NELL1: variants seen among roughly 807,000 people sequenced by gnomAD.
The protein encoded by NELL1 is protein kinase C-binding protein NELL1.
In NELL1, 76 loss-of-function variants were observed where a neutral mutation model predicts 107.4. The observed-to-expected ratio is 0.71, with a 90% CI of 0.59 to 0.86. The LOEUF (loss-of-function observed/expected upper bound fraction) is 0.86. Ranked by LOEUF, NELL1 falls within the 40% of genes least tolerant of loss-of-function variation. The pLI is 0.00. For missense variants in NELL1, 1,024 were observed against 1,005.5 expected (o/e 1.02, Z -0.25); for synonymous variants, 353 against 341.2 (o/e 1.03, Z -0.38).
intron 2 of NELL1, among the ~76,000 whole-genome samples, chr11:20,685,512 T>C (rs1854287098): frequency 6.6e-6 from 1 of 152,088 alleles, no homozygotes; most frequent in Admixed American, 6.6e-5. Context: ...ACTTTAAGGT[T>C]AATGTATGAT....
intron 13 of NELL1, among the ~76,000 whole-genome samples, chr11:21,216,169 A>C (rs1323035815): frequency 1.3e-5 from 2 of 152,120 alleles, no homozygotes; most frequent in Non-Finnish European, 2.9e-5. Flanking sequence ...GCTTCCATGT[A>C]GTGTTAAGCC....
At chr11:21,058,514 G>A (rs1328123220) in intron 12 of NELL1, among the ~76,000 whole-genome samples, 13 of 152,070 alleles carry the variant, frequency 8.5e-5, no homozygotes, top group Non-Finnish European at 1.9e-4. Context: ...TATGGAAATG[G>A]GGTGGGAGAC....
intron 5 of NELL1, among the ~76,000 whole-genome samples, chr11:20,893,770 A>T (rs1459755204): frequency 6.6e-6 from 1 of 151,446 alleles, no homozygotes; most frequent in African/African-American, 2.4e-5. Context: ...ATTATATTGA[A>T]TTCATAAAAC....
chr11:21,557,218 A>G (rs749833568), intron 16 of NELL1, among the ~76,000 whole-genome samples: 3 of 152,058 alleles, frequency 2.0e-5, no homozygotes, highest in Non-Finnish European at 4.4e-5. Flanking sequence ...TAAAGCAATT[A>G]CATGGAACTC....
chr11:21,074,656 T>A (rs117249089), intron 12 of NELL1, among the ~76,000 whole-genome samples: 1 of 122,656 alleles, frequency 8.2e-6, no homozygotes, highest in Admixed American at 9.0e-5. Flanking sequence ...TTAATTAGCC[T>A]TGGGTGGAAT....
chr11:21,094,519 C>A (rs141226054), intron 12 of NELL1, among the ~76,000 whole-genome samples: 1 of 152,212 alleles, frequency 6.6e-6, no homozygotes, highest in Non-Finnish European at 1.5e-5. Context: ...CCTTCCACAC[C>A]GCCCTAGCAG....
At chr11:20,964,412 C>T (rs1049969727) in intron 12 of NELL1, among the ~76,000 whole-genome samples, 34 of 152,194 alleles carry the variant, frequency 2.2e-4, no homozygotes, top group African/African-American at 8.2e-4. Context: ...GAAAGCACTA[C>T]AATTAACATT....
chr11:20,685,381 G>A (rs936006036), intron 2 of NELL1, among the ~76,000 whole-genome samples: 4 of 152,028 alleles, frequency 2.6e-5, no homozygotes, highest in Admixed American at 6.6e-5. Flanking sequence ...CATATTTCAT[G>A]TGCTCAGTTG....
chr11:21,379,682 C>A (rs375980937), intron 15 of NELL1, among the ~76,000 whole-genome samples: 6 of 151,924 alleles, frequency 3.9e-5, no homozygotes, highest in Middle Eastern at 3.2e-3. Context: ...ATTTTTTGAA[C>A]CTTTTCTAAA....
chr11:21,069,919 A>G (rs1853969923), intron 12 of NELL1, among the ~76,000 whole-genome samples: 1 of 152,194 alleles, frequency 6.6e-6, no homozygotes, highest in Non-Finnish European at 1.5e-5. Context: ...GTGTGGACAC[A>G]ATGTCCAACA....
intron 4 of NELL1, among the ~76,000 whole-genome samples, chr11:20,856,816 G>A (rs887484764): frequency 6.6e-6 from 1 of 152,210 alleles, no homozygotes; most frequent in Admixed American, 6.5e-5. Flanking sequence ...GTTGAGGTTA[G>A]TGTCTTATGT....
At chr11:21,397,969 GA>G (rs1401232946) in intron 15 of NELL1, among the ~76,000 whole-genome samples, 3 of 151,306 alleles carry the variant, frequency 2.0e-5, no homozygotes, top group Non-Finnish European at 4.4e-5. Context: ...AGAATTGTGA[GA>G]AATAAGCTAC....
At chr11:21,165,053 C>G (rs998238230) in intron 13 of NELL1, among the ~76,000 whole-genome samples, 3 of 152,116 alleles carry the variant, frequency 2.0e-5, no homozygotes, top group African/African-American at 7.2e-5. Flanking sequence ...TAAAACACGT[C>G]TAATTATTCA....
At chr11:21,547,385 A>G (rs1338031388) in intron 16 of NELL1, among the ~76,000 whole-genome samples, 2 of 151,720 alleles carry the variant, frequency 1.3e-5, no homozygotes, top group Non-Finnish European at 2.9e-5. Context: ...CAAACCCTAT[A>G]TGGGTTTGAC....
chr11:21,199,076 G>A (rs1857211432), intron 13 of NELL1, among the ~76,000 whole-genome samples: 1 of 151,956 alleles, frequency 6.6e-6, no homozygotes, highest in South Asian at 2.1e-4. Context: ...ATCTGGTCTG[G>A]GAAAAAAATA....
intron 14 of NELL1, among the ~76,000 whole-genome samples, chr11:21,236,332 A>G (rs1858206206): frequency 6.6e-6 from 1 of 152,196 alleles, no homozygotes; most frequent in African/African-American, 2.4e-5. Context: ...CAGTAAATAC[A>G]TAGATGCAAA....
At chr11:20,888,876 A>T (rs760049987) in intron 5 of NELL1, among the ~76,000 whole-genome samples, 40 of 152,114 alleles carry the variant, frequency 2.6e-4, no homozygotes, top group South Asian at 4.1e-4. Flanking sequence ...ATGGTCTCTC[A>T]TCTCCAATGG....
chr11:21,319,764 A>G (rs1849967975), intron 14 of NELL1, among the ~76,000 whole-genome samples: 1 of 151,862 alleles, frequency 6.6e-6, no homozygotes, highest in Admixed American at 6.6e-5. Context: ...CCTGGCTAAC[A>G]CGGTGAAACC....
intron 15 of NELL1, among the ~76,000 whole-genome samples, chr11:21,385,705 GA>G (rs2133775165): frequency 6.6e-6 from 1 of 152,000 alleles, no homozygotes; most frequent in South Asian, 2.1e-4. Flanking sequence ...TTTCTCTGCT[GA>G]AAAAACTTAA....
Sources: allele counts gnomAD v4.1 joint callset (sites outside exome capture counted in the v4.1 genomes callset), GRCh38; gene constraint gnomAD v4.1.1; transcripts MANE v1.5; gene names NCBI Gene and HGNC (gene_info 2026-07-23, HGNC 2026-07-21).